Variants in AOPEP observed in about 807,000 individuals in gnomAD.
AOPEP encodes aminopeptidase O.
A neutral mutation model predicts 98.1 loss-of-function variants in AOPEP; 77 were observed. The observed-to-expected ratio is 0.78, with a 90% confidence interval of 0.65 to 0.95. AOPEP has a LOEUF of 0.95. Among genes scored for constraint, AOPEP ranks in the 40% least tolerant of loss-of-function variants. AOPEP has a pLI of 0.00. For missense variants in AOPEP, 1,024 were observed against 1,024.7 expected (o/e 1.00, Z 0.01); for synonymous variants, 346 against 365.3 (o/e 0.95, Z 0.60).
chr9:94,786,812 T>C (rs532727549), intron 3 of AOPEP, among the ~76,000 whole-genome samples: 32 of 152,330 alleles, frequency 2.1e-4, no homozygotes, highest in African/African-American at 6.7e-4. Flanking sequence ...GAGAAGCTTC[T>C]GAGAAGAGTT....
chr9:95,142,480 A>AC, the AOPEP span: 2 of 152,098 alleles, frequency 1.3e-5, no homozygotes, highest in East Asian at 1.9e-4. Flanking sequence ...CCCAGGCCCA[A>AC]CCCCCCTCAG....
At chr9:94,848,914 T>C (rs1243890092) in intron 5 of AOPEP, among the ~76,000 whole-genome samples, 1 of 152,160 alleles carries the variant, frequency 6.6e-6, no homozygotes, top group Non-Finnish European at 1.5e-5. Context: ...GTAGCTGGGA[T>C]TACAGGCATG....
the AOPEP span, among the ~76,000 whole-genome samples, chr9:95,112,358 C>T: frequency 6.6e-6 from 1 of 152,178 alleles, no homozygotes; most frequent in African/African-American, 2.4e-5. Flanking sequence ...AGGAGTGTTC[C>T]TGGCCCCTTT....
intron 3 of AOPEP, among the ~76,000 whole-genome samples, chr9:94,782,671 A>G (rs1391263499): frequency 6.6e-6 from 1 of 152,272 alleles, no homozygotes; most frequent in Non-Finnish European, 1.5e-5. Context: ...CTCACAAAGA[A>G]AGAATGCAAA....
the AOPEP span, among the ~76,000 whole-genome samples, chr9:95,126,343 C>T: frequency 6.6e-6 from 1 of 152,270 alleles, no homozygotes; most frequent in East Asian, 1.9e-4. Flanking sequence ...AGGCACTGGC[C>T]TTTAAATTTA....
chr9:95,112,157 C>T, the AOPEP span, among the ~76,000 whole-genome samples: 2 of 152,224 alleles, frequency 1.3e-5, no homozygotes, highest in Admixed American at 1.3e-4. Flanking sequence ...GAAGCTATCC[C>T]CTCGCCACAC....
intron 5 of AOPEP, among the ~76,000 whole-genome samples, chr9:94,846,176 C>G (rs2042842434): frequency 6.6e-6 from 1 of 151,848 alleles, no homozygotes; most frequent in Non-Finnish European, 1.5e-5. Context: ...GACTAGAGAT[C>G]TGAATTTGCG....
chr9:94,960,708 C>T (rs549068383), intron 9 of AOPEP, among the ~76,000 whole-genome samples: 158 of 151,968 alleles, frequency 1.0e-3, no homozygotes, highest in Admixed American at 2.0e-3. Flanking sequence ...TTTCTGAGTT[C>T]TTACTGCGTA....
At chr9:94,849,403 A>G (rs1484328371) in intron 5 of AOPEP, among the ~76,000 whole-genome samples, 1 of 152,070 alleles carries the variant, frequency 6.6e-6, no homozygotes, top group African/African-American at 2.4e-5. Flanking sequence ...AATTACTGTT[A>G]TCTTAATATA....
At chr9:95,142,527 G>A in the AOPEP span, 1 of 152,216 alleles carries the variant, frequency 6.6e-6, no homozygotes, top group African/African-American at 2.4e-5. Context: ...CATTTAGGGT[G>A]GAGTGGCTGT....
intron 13 of AOPEP, among the ~76,000 whole-genome samples, chr9:95,011,463 A>C (rs561962424): frequency 6.6e-6 from 1 of 152,138 alleles, no homozygotes; most frequent in South Asian, 2.1e-4. Context: ...CGGCCTCCCA[A>C]AGTGCTGGGA....
the AOPEP span, chr9:95,117,295 C>T: frequency 4.3e-6 from 7 of 1,611,982 alleles, no homozygotes; most frequent in Non-Finnish European, 5.1e-6. Context: ...CTGATGTGGG[C>T]AAAGTCAACC....
intron 11 of AOPEP, among the ~76,000 whole-genome samples, chr9:95,003,752 T>C (rs1462505513): frequency 6.6e-6 from 1 of 152,230 alleles, no homozygotes; most frequent in Non-Finnish European, 1.5e-5. Flanking sequence ...GAGCACACAT[T>C]TCGTAGCACT....
chr9:94,748,484 A>G (rs59409790), intron 1 of AOPEP, among the ~76,000 whole-genome samples: 2,156 of 152,342 alleles, frequency 0.014, 49 homozygotes, highest in East Asian at 0.089. Context: ...CAAACATAGT[A>G]TAGGGAGTTC....
chr9:95,025,460 G>C (rs2063768531), intron 13 of AOPEP, among the ~76,000 whole-genome samples: 1 of 152,248 alleles, frequency 6.6e-6, no homozygotes. Context: ...AGTCTGCAAA[G>C]CAGAGCTGGT....
At chr9:94,778,029 G>A (rs1333917328) in intron 3 of AOPEP, among the ~76,000 whole-genome samples, 1 of 152,184 alleles carries the variant, frequency 6.6e-6, no homozygotes, top group Non-Finnish European at 1.5e-5. Context: ...ATATAAGAAT[G>A]TGCAAAGTAA....
intron 7 of AOPEP, among the ~76,000 whole-genome samples, chr9:94,942,081 T>G (rs1044061345): frequency 7.2e-5 from 11 of 152,370 alleles, no homozygotes; most frequent in Admixed American, 1.3e-4. Flanking sequence ...TGATTCATTA[T>G]AATGCTATTT....
At chr9:94,775,431 G>C (rs1024378511) in intron 3 of AOPEP, among the ~76,000 whole-genome samples, 24 of 150,776 alleles carry the variant, frequency 1.6e-4, no homozygotes, top group African/African-American at 5.6e-4. Flanking sequence ...GTGCAATGGC[G>C]CGATCTCTGC....
intron 13 of AOPEP, among the ~76,000 whole-genome samples, chr9:95,040,626 A>G (rs1216631630): frequency 6.6e-6 from 1 of 152,198 alleles, no homozygotes; most frequent in Non-Finnish European, 1.5e-5. Flanking sequence ...CCCCTCCTCT[A>G]TGTCTTTCTG....
Sources: allele counts gnomAD v4.1 joint callset (sites outside exome capture counted in the v4.1 genomes callset), GRCh38; gene constraint gnomAD v4.1.1; transcripts MANE v1.5; gene names NCBI Gene and HGNC (gene_info 2026-07-23, HGNC 2026-07-21).